The following ITSN2 variants were observed in gnomAD, a reference collection of about 807,000 sequenced individuals.
ITSN2 encodes the protein intersectin-2.
A neutral mutation model predicts 243.7 loss-of-function variants in ITSN2; 156 were observed. That is an observed-to-expected ratio of 0.64 (90% confidence interval 0.56 to 0.73). ITSN2 has a LOEUF of 0.73. Among genes scored for constraint, ITSN2 ranks in the 30% least tolerant of loss-of-function variants. ITSN2 has a pLI of 0.00. For missense variants in ITSN2, 1,801 were observed against 1,996.1 expected (o/e 0.90, Z 1.86); for synonymous variants, 703 against 699.9 (o/e 1.00, Z -0.07).
chr2:24,204,821 CTTTA>C lies in ITSN2; in HGVS notation c.4762+389_4762+392del, dbSNP rs1454082905. Reference sequence around the variant, plus strand: ...CTGGACACACTGTTAGAAAGCATTCCTTTATTCAGTGTTCAGAAGAGTCATCAGT... The same window carrying C: ...CTGGACACACTGTTAGAAAGCATTCCTTCAGTGTTCAGAAGAGTCATCAGT... On this transcript the variant is annotated intron_variant, in intron 38 of 39. Transcript: ENST00000355123. This position sits in a 1 kb window ranked among gnomAD's most constrained non-coding sequence, Gnocchi z 5.1. 2.2e-6 allele frequency: 1 copy of C among 447,118 alleles called. No homozygotes were observed. Among genetic ancestry groups the C allele is most frequent in the Non-Finnish European group, 4.5e-6 (1 of 222,566 alleles). 27.7% of individuals were successfully genotyped at this position (447,118 alleles called of 1,614,324 possible).
intron 2 of ITSN2, among the ~76,000 whole-genome samples, chr2:24,317,933 A>G (rs1185397874): frequency 2.0e-5 from 3 of 152,124 alleles, no homozygotes; most frequent in Non-Finnish European, 4.4e-5. Flanking sequence ...CAAACTATTG[A>G]CAGTATTTTT....
At position 24,210,876 on chromosome 2, in the gene ITSN2, C is replaced by G. The variant is rs1192294524; in HGVS notation, c.4161G>C (p.Glu1387Asp). 1 of 1,614,174 alleles carries G rather than the reference C, an allele frequency of 6.2e-7. No individual in the cohort carries two copies. Among genetic ancestry groups the G allele is most frequent in the Middle Eastern group, 1.6e-4 (1 of 6,062 alleles). The change falls in exon 34 of 40, where the codon GAG (glutamate) becomes GAC (aspartate). Residue 1387 changes from glutamate (E) to aspartate (D), a missense_variant. This residue lies in a region of ITSN2 where 928 missense variants were observed against 1,065.4 expected (regional missense o/e 0.87). Coordinates refer to ENST00000355123, the MANE Select transcript of ITSN2 (RefSeq NM_006277.3). The part of the protein sequence containing the change: ...SLKLALERAE[E>D]LCSQVNEGVR... ...CTCCCTCATTCACTTGAGAGCACAG[C>G]TCCTCTGCCCGCTCGAGGGCCAGCT... is the stretch of plus-strand genomic sequence containing the variant.
At chr2:24,301,464 TTTTC>T (rs1392908288) in intron 10 of ITSN2, among the ~76,000 whole-genome samples, 2 of 152,140 alleles carry the variant, frequency 1.3e-5, no homozygotes, top group African/African-American at 4.8e-5. Flanking sequence ...TTGGGCAAGT[TTTTC>T]TTTATCTCTT....
At chr2:24,260,283 T>G (rs1675644125) in intron 22 of ITSN2, among the ~76,000 whole-genome samples, 1 of 152,132 alleles carries the variant, frequency 6.6e-6, no homozygotes. Context: ...ATAAAATGCC[T>G]GGAACCTATG....
Position 24,286,300 on chromosome 2 carries a change from C to T in ITSN2, c.1775G>A (p.Cys592Tyr). ...ATCTAACTGTTCTTTAAGTCTTTGG[C>T]ATAATTCTTCCTTTTCTAATGATTT... ...HKKSLEKEELCQRLKEQLDAL... is the reference protein window; with the variant it reads ...HKKSLEKEELYQRLKEQLDAL... The change falls in exon 16 of 40, where the codon TGC becomes TAC. Residue 592 changes from cysteine (C) to tyrosine (Y), a missense_variant. Cys to Tyr is a radical substitution (Grantham distance 194, BLOSUM62 -2). This residue lies in a region of ITSN2 where 787 missense variants were observed against 803.9 expected (regional missense o/e 0.98). Coordinates refer to ENST00000355123, the MANE Select transcript of ITSN2 (RefSeq NM_006277.3). The T allele has an allele frequency of 6.2e-7, 1 of 1,606,756 alleles. No individual in the cohort carries two copies. The highest frequency in any genetic ancestry group is 8.5e-7 in the Non-Finnish European group (1 of 1,173,732).
intron 22 of ITSN2, among the ~76,000 whole-genome samples, chr2:24,260,561 T>C (rs1046014186): frequency 3.9e-5 from 6 of 151,938 alleles, no homozygotes; most frequent in African/African-American, 1.5e-4. Flanking sequence ...AAAATAACAT[T>C]TTGAGCTTAG....
At chr2:24,277,990 G>A (rs1160791466) in intron 17 of ITSN2, among the ~76,000 whole-genome samples, 7 of 152,206 alleles carry the variant, frequency 4.6e-5, no homozygotes, top group African/African-American at 7.2e-5. Flanking sequence ...TCACAGAGTT[G>A]TTGTGAGGAT....
intron 1 of ITSN2, among the ~76,000 whole-genome samples, chr2:24,350,327 T>A (rs764370047): frequency 6.6e-6 from 1 of 152,216 alleles, no homozygotes; most frequent in African/African-American, 2.4e-5. Context: ...GGCTCACCAA[T>A]AGTATAAAAT....
At chr2:24,254,577 GACTTAT>G (rs1558496970) in intron 23 of ITSN2, 146 bp from the exon 24 acceptor site, 1 of 541,524 alleles carries the variant, frequency 1.8e-6, no homozygotes, top group Non-Finnish European at 3.3e-6. Flanking sequence ...GAACTGGGAA[GACTTAT>G]ACACAACATC....
intron 2 of ITSN2, among the ~76,000 whole-genome samples, chr2:24,316,743 T>C (rs1683977065): frequency 6.6e-6 from 1 of 152,256 alleles, no homozygotes; most frequent in Non-Finnish European, 1.5e-5. Flanking sequence ...GTCTGGTATA[T>C]AACTACTGGC....
chr2:24,299,330 T>C (rs567708302), intron 12 of ITSN2, among the ~76,000 whole-genome samples: 4 of 152,178 alleles, frequency 2.6e-5, no homozygotes, highest in Non-Finnish European at 5.9e-5. Context: ...ACAGGAATAA[T>C]TTTCCCTCTA....
chr2:24,214,291 A>G (rs1669766109), intron 32 of ITSN2: 2 of 152,212 alleles, frequency 1.3e-5, no homozygotes, highest in African/African-American at 4.8e-5. Flanking sequence ...CTTTTGCTTT[A>G]TAGAATGAAT....
At chr2:24,212,568 G>A (rs1426227669) in intron 33 of ITSN2, 82 bp downstream of exon 33, 1 of 1,069,566 alleles carries the variant, frequency 9.3e-7, no homozygotes, top group Non-Finnish European at 1.4e-6. Context: ...GCATGCTCAG[G>A]GCTCCCTGAG....
rs374615444 is a variant in ITSN2 at position 24,298,607 on chromosome 2, T to G, written c.1494+58A>C. 39 of 1,520,300 alleles carry G rather than the reference T, an allele frequency of 2.6e-5. No individual in the cohort carries two copies. The African/African-American group carries it at 4.1e-4, about 16-fold the overall frequency. 94.2% of individuals were successfully genotyped at this position (1,520,300 alleles called of 1,614,324 possible). A position where few individuals can be genotyped will look rare whatever the true frequency, so the allele number is the denominator to read the frequency against. On this transcript the variant is annotated intron_variant, in intron 13 of 39. Transcript: ENST00000355123. Reference sequence around the variant, plus strand: ...CACCACGCCTGGCCCACAATTACATTTTTCAACAGGTAGCTCCATCATCAT... The same window carrying G: ...CACCACGCCTGGCCCACAATTACATGTTTCAACAGGTAGCTCCATCATCAT...
At chr2:24,309,197 T>G (rs1044033653) in intron 7 of ITSN2, among the ~76,000 whole-genome samples, 2 of 152,186 alleles carry the variant, frequency 1.3e-5, no homozygotes, top group African/African-American at 4.8e-5. Flanking sequence ...CTGCCTTTTC[T>G]CTTTTTCTGG....
rs753621324 is a variant in ITSN2, at chr2:24,210,017, G to C, written c.4274C>G (p.Ser1425Cys). ...EGLAEQLIFN[S>C]LTNCLGPRKL... ...CCGGGGCCCCAGGCAGTTGGTGAGAGAGTTGAAAATAAGTTGCTTAAAGAG... is the reference window on the plus strand; with the variant it reads ...CCGGGGCCCCAGGCAGTTGGTGAGACAGTTGAAAATAAGTTGCTTAAAGAG... Residue 1425 changes from serine (S) to cysteine (C), a missense_variant, in exon 35 of 40, where the codon TCT becomes TGT. This residue lies in a region of ITSN2 where 928 missense variants were observed against 1,065.4 expected (regional missense o/e 0.87). Transcript: ENST00000355123. The C allele has an allele frequency of 1.9e-6, 3 of 1,613,236 alleles. No individual in the cohort carries two copies. The highest frequency in any genetic ancestry group is 2.7e-5 in the African/African-American group (2 of 74,870).
chr2:24,246,040 T>G (rs545691775), intron 29 of ITSN2, 89 bp downstream of exon 29: 1 of 871,308 alleles, frequency 1.1e-6, no homozygotes, highest in Non-Finnish European at 1.7e-6. Context: ...AGTGCTGAGT[T>G]TAAGATCTAA....
At chr2:24,345,253 CT>C (rs551066570) in intron 1 of ITSN2, among the ~76,000 whole-genome samples, 3 of 152,128 alleles carry the variant, frequency 2.0e-5, no homozygotes, top group African/African-American at 7.2e-5. Flanking sequence ...CCATTTCAGC[CT>C]TTTTTCCCCT....
chr2:24,225,562 C>T lies in ITSN2; in HGVS notation c.3578-4496G>A, dbSNP rs1670946987. 6.6e-6 allele frequency among the ~76,000 whole-genome samples: 1 copy of T among 152,152 alleles called. No homozygotes were observed. The highest frequency in any genetic ancestry group is 6.5e-5 in the Admixed American group (1 of 15,276). ...AGTCTGCCTTTCTCAGCCCTTGAGCCTCTCCTCTTCTTGGTGTTTCCTTCT... is the reference window on the plus strand; with the variant it reads ...AGTCTGCCTTTCTCAGCCCTTGAGCTTCTCCTCTTCTTGGTGTTTCCTTCT... On this transcript the variant is annotated intron_variant, in intron 29 of 39. Coordinates refer to ENST00000355123, the MANE Select transcript of ITSN2 (RefSeq NM_006277.3). This position sits in a 1 kb window ranked among gnomAD's most constrained non-coding sequence, Gnocchi z 4.2.
Sources: gnomAD v4.1 joint callset for allele counts (sites outside exome capture counted in the v4.1 genomes callset) on GRCh38, gnomAD v4.1.1 for gene constraint, gnomAD v4.1.1 regional missense constraint, Gnocchi (gnomAD v3.1) non-coding constraint, MANE v1.5 for transcripts, NCBI Gene and HGNC (gene_info 2026-07-23, HGNC 2026-07-21) for gene names.